ZFHX3: variants seen among roughly 807,000 people sequenced by gnomAD.
ZFHX3 encodes zinc finger homeobox 3.
In ZFHX3, 42 loss-of-function variants were observed where a neutral mutation model predicts 279.1. The observed-to-expected ratio is 0.15, with a 90% CI of 0.12 to 0.19. The LOEUF is 0.19. Ranked by LOEUF, ZFHX3 falls within the 10% of genes least tolerant of loss-of-function variation. ZFHX3 has a pLI of 1.00. For missense variants in ZFHX3, 4,981 were observed against 4,754.0 expected (o/e 1.05, Z -1.40); for synonymous variants, 2,293 against 1,957.8 (o/e 1.17, Z -4.52).
chr16:72,932,909 T>C (rs1567591033), intron 3 of ZFHX3, among the ~76,000 whole-genome samples: 1 of 152,098 alleles, frequency 6.6e-6, no homozygotes, highest in Non-Finnish European at 1.5e-5. Flanking sequence ...GTCATTCTAT[T>C]AGCCCATTTT....
chr16:73,744,136 A>T (rs981970255), intron 1 of ZFHX3, among the ~76,000 whole-genome samples: 1 of 152,260 alleles, frequency 6.6e-6, no homozygotes, highest in Non-Finnish European at 1.5e-5. Flanking sequence ...AGTATCTAAA[A>T]GATCTTTGTC....
intron 2 of ZFHX3, among the ~76,000 whole-genome samples, chr16:73,505,835 A>T (rs117007013): frequency 7.9e-5 from 12 of 152,368 alleles, no homozygotes; most frequent in Non-Finnish European, 1.5e-4. Flanking sequence ...GCCAAGGAGC[A>T]GAGACACATG....
At chr16:73,814,072 T>C (rs914703868) in intron 1 of ZFHX3, among the ~76,000 whole-genome samples, 3 of 152,216 alleles carry the variant, frequency 2.0e-5, no homozygotes, top group East Asian at 1.9e-4. Context: ...TCTTTGCAAG[T>C]AATATCTGCA....
At chr16:73,871,300 G>T (rs1226168377) in intron 1 of ZFHX3, among the ~76,000 whole-genome samples, 1 of 152,174 alleles carries the variant, frequency 6.6e-6, no homozygotes, top group African/African-American at 2.4e-5. Context: ...ACACTGAAAC[G>T]ACTTGCGTCA....
chr16:73,174,170 G>T (rs3922893), intron 5 of ZFHX3, among the ~76,000 whole-genome samples: 20,127 of 151,806 alleles, frequency 0.13, 1,430 homozygotes, highest in African/African-American at 0.17. Context: ...TCTCTTCTCT[G>T]CATGGAGACC....
At chr16:73,657,143 G>A (rs759845396) in intron 2 of ZFHX3, among the ~76,000 whole-genome samples, 14 of 152,104 alleles carry the variant, frequency 9.2e-5, no homozygotes, top group Admixed American at 4.6e-4. Context: ...GTCCATATAC[G>A]GTAGAATTCA....
chr16:72,816,765 T>G (rs1249341411), intron 5 of ZFHX3, among the ~76,000 whole-genome samples: 1 of 152,234 alleles, frequency 6.6e-6, no homozygotes, highest in Non-Finnish European at 1.5e-5. Flanking sequence ...ATTGTCTATT[T>G]TATCCTCTTA....
At chr16:73,263,003 G>T (rs1462084670) in intron 4 of ZFHX3, among the ~76,000 whole-genome samples, 1 of 152,120 alleles carries the variant, frequency 6.6e-6, no homozygotes, top group Non-Finnish European at 1.5e-5. Context: ...CACCGAGTTG[G>T]TTCAGATTAG....
At chr16:72,863,610 C>A (rs1183218943) in intron 4 of ZFHX3, among the ~76,000 whole-genome samples, 1 of 151,928 alleles carries the variant, frequency 6.6e-6, no homozygotes, top group African/African-American at 2.4e-5. Flanking sequence ...ATTGAGTAAA[C>A]GGAAGCAGGG....
intron 1 of ZFHX3, among the ~76,000 whole-genome samples, chr16:73,763,890 G>T (rs553658586): frequency 3.6e-5 from 5 of 140,484 alleles, no homozygotes; most frequent in African/African-American, 1.3e-4. Flanking sequence ...GCGACCAAAA[G>T]GAAATGAATT....
chr16:72,858,004 C>T (rs780539188), intron 4 of ZFHX3, among the ~76,000 whole-genome samples: 5 of 152,194 alleles, frequency 3.3e-5, no homozygotes, highest in Non-Finnish European at 7.3e-5. Context: ...GCCTGAAAGG[C>T]GGGGCAGCCA....
At chr16:72,858,780 C>T (rs777138783) in intron 4 of ZFHX3, among the ~76,000 whole-genome samples, 6 of 152,252 alleles carry the variant, frequency 3.9e-5, no homozygotes, top group Non-Finnish European at 8.8e-5. Flanking sequence ...CATTTACGCA[C>T]GAGCTGCCGC....
chr16:72,798,672 C>A lies in ZFHX3; in HGVS notation c.4010G>T (p.Ser1337Ile), dbSNP rs764024381. The A allele has an allele frequency of 6.3e-7, 1 of 1,585,692 alleles. No homozygotes were observed. The highest frequency in any genetic ancestry group is 2.2e-5 in the East Asian group (1 of 44,462). Residue 1337 changes from serine (S) to isoleucine (I), a missense_variant, in exon 9 of 10, where the codon AGC (serine) becomes ATC (isoleucine). Coordinates refer to ENST00000268489, the MANE Select transcript of ZFHX3 (RefSeq NM_006885.4). Reference protein sequence around the residue: ...DLGKNILPSASTEQSGDLKPS... With the variant: ...DLGKNILPSAITEQSGDLKPS... ...TTTCAAATCTCCGCTTTGCTCTGTGCTTGCGGATGGCAAGATGTTCTTTCC... is the reference window on the plus strand; with the variant it reads ...TTTCAAATCTCCGCTTTGCTCTGTGATTGCGGATGGCAAGATGTTCTTTCC...
At chr16:73,004,846 C>T (rs533221711) in intron 1 of ZFHX3, among the ~76,000 whole-genome samples, 15 of 152,138 alleles carry the variant, frequency 9.9e-5, no homozygotes, top group Non-Finnish European at 2.2e-4. Context: ...CAATATTAAC[C>T]TATATTTTCT....
chr16:73,741,530 C>T (rs914091898), intron 1 of ZFHX3, among the ~76,000 whole-genome samples: 11 of 152,238 alleles, frequency 7.2e-5, no homozygotes, highest in Admixed American at 5.2e-4. Context: ...CGGGTGTTTT[C>T]TCTATTGTAC....
At chr16:73,177,981 G>A (rs11645441) in intron 5 of ZFHX3, among the ~76,000 whole-genome samples, 98,347 of 151,828 alleles carry the variant, frequency 0.65, 32,857 homozygotes, top group African/African-American at 0.82. Context: ...CAGTCGGGGC[G>A]GGCTACCTCT....
intron 2 of ZFHX3, among the ~76,000 whole-genome samples, chr16:73,505,650 A>G (rs1031108386): frequency 1.3e-5 from 2 of 152,162 alleles, no homozygotes; most frequent in East Asian, 3.8e-4. Flanking sequence ...AAAGGAGCCG[A>G]CACTTAATGA....
At chr16:73,622,874 GT>G (rs1475102899) in intron 2 of ZFHX3, among the ~76,000 whole-genome samples, 1 of 152,178 alleles carries the variant, frequency 6.6e-6, no homozygotes. Context: ...TTCCTGTCTT[GT>G]CTTGTCGCTA....
At chr16:73,428,695 G>T (rs1430770740) in intron 3 of ZFHX3, among the ~76,000 whole-genome samples, 2 of 152,086 alleles carry the variant, frequency 1.3e-5, no homozygotes, top group African/African-American at 4.8e-5. Flanking sequence ...CAGAGAGATA[G>T]AATAAATATG....
Sources: allele counts gnomAD v4.1 joint callset (sites outside exome capture counted in the v4.1 genomes callset), GRCh38; gene constraint gnomAD v4.1.1; transcripts MANE v1.5; gene names NCBI Gene and HGNC (gene_info 2026-07-23, HGNC 2026-07-21).